Variants in ICE1 observed in about 807,000 individuals in gnomAD.
ICE1 encodes interactor of little elongation complex ELL subunit 1, also known as little elongation complex subunit 1.
In ICE1, 64 loss-of-function variants were observed where a neutral mutation model predicts 192.7. The ratio of observed to expected loss-of-function variants is 0.33; its 90% CI spans 0.27 to 0.41. The LOEUF (loss-of-function observed/expected upper bound fraction) is 0.41. ICE1 is among the 10% of genes least tolerant of loss of function. The pLI is 1.00. For synonymous variants in ICE1, 1,010 were observed against 984.5 expected (o/e 1.03, Z -0.49); for missense variants, 2,708 against 2,696.0 (o/e 1.00, Z -0.10).
In ICE1 at chr5:5,461,171, G is replaced by A. The variant is rs1402732470; in HGVS notation, c.1837G>A (p.Asp613Asn). 1.9e-6 allele frequency: 3 copies of A among 1,613,988 alleles called. No homozygotes were observed. The highest frequency in any genetic ancestry group is 2.2e-5 in the East Asian group (1 of 44,876). Residue 613 changes from aspartate to asparagine, a missense_variant, in exon 13 of 19, where the codon GAT becomes AAT. This residue lies in a region of ICE1 where 2,366 missense variants were observed against 2,276.6 expected (regional missense o/e 1.04). Coordinates refer to ENST00000296564, the MANE Select transcript of ICE1 (RefSeq NM_015325.3). ...TLGESPESEDDDSGDGMDVAG... is the reference protein window; with the variant it reads ...TLGESPESEDNDSGDGMDVAG... Reference sequence around the variant, plus strand: ...AGGAGAATCACCTGAATCAGAAGATGATGACTCAGGTGATGGAATGGATGT... The same window carrying A: ...AGGAGAATCACCTGAATCAGAAGATAATGACTCAGGTGATGGAATGGATGT...
chr5:5,462,000 C>G lies in ICE1; in HGVS notation c.2666C>G (p.Thr889Arg). ...RPHRVEPTLV[T>R]ENSGNKTGMS... Reference sequence around the variant, plus strand: ...CATAGGGTTGAGCCTACCTTAGTAACAGAAAATAGTGGCAACAAAACCGGT... The same window carrying G: ...CATAGGGTTGAGCCTACCTTAGTAAGAGAAAATAGTGGCAACAAAACCGGT... The change falls in exon 13 of 19, where the codon ACA becomes AGA. Residue 889 changes from threonine (T) to arginine (R), a missense_variant. By Grantham distance (71) the Thr-to-Arg change is moderately conservative. Transcript: ENST00000296564. 6.2e-7 allele frequency: 1 copy of G among 1,613,876 alleles called. No homozygotes were observed. Among genetic ancestry groups the G allele is most frequent in the Non-Finnish European group, 8.5e-7 (1 of 1,179,866 alleles).
At chr5:5,434,915 G>C (rs1038672075) in intron 1 of ICE1, among the ~76,000 whole-genome samples, 3 of 152,148 alleles carry the variant, frequency 2.0e-5, no homozygotes, top group Non-Finnish European at 4.4e-5. Context: ...TTTAAAAAAT[G>C]TCTATTGACT....
Position 5,489,255 on chromosome 5 carries a change from C to T in ICE1, c.6726C>T (p.Ala2242=). 1 of 1,613,826 alleles carries T rather than the reference C, an allele frequency of 6.2e-7. No individual in the cohort carries two copies. Among genetic ancestry groups the T allele is most frequent in the South Asian group, 1.1e-5 (1 of 91,036 alleles). Residue 2242 remains alanine (A), a synonymous_variant, in exon 19 of 19, where the codon GCC becomes GCT. Coordinates refer to ENST00000296564, the MANE Select transcript of ICE1 (RefSeq NM_015325.3). ...TCCTGGAAGCTTGGCGGAGAGAGGC[C>T]TCCAAAAGCGTTCCGTCTGCGATTG... is the stretch of plus-strand genomic sequence containing the variant. The part of the protein sequence containing the change: ...SKILEAWRRE[A]SKSVPSAIVS...
At chr5:5,449,756 C>A (rs1738358760) in intron 10 of ICE1, among the ~76,000 whole-genome samples, 1 of 152,174 alleles carries the variant, frequency 6.6e-6, no homozygotes, top group Admixed American at 6.5e-5. Context: ...CTGGCCTTTG[C>A]TCATAAACTG....
chr5:5,449,414 T>C (rs143086170), intron 10 of ICE1, among the ~76,000 whole-genome samples: 177 of 152,084 alleles, frequency 1.2e-3, no homozygotes, highest in African/African-American at 4.0e-3. Flanking sequence ...ATCTGAGTGC[T>C]ACTTTGCCTT....
Position 5,437,112 on chromosome 5 carries a change from A to G in ICE1, c.176A>G (p.Asp59Gly). ...TTAACAGAATATCAGAAGAAATGTGATGATATCCTTTTACTGGCTTTTTCT... is the reference window on the plus strand; with the variant it reads ...TTAACAGAATATCAGAAGAAATGTGGTGATATCCTTTTACTGGCTTTTTCT... ...NLLTEYQKKC[D>G]ELQFARRENS... Residue 59 changes from aspartate (D) to glycine (G), a missense_variant and splice_region_variant, in exon 3 of 19, where the codon GAT (aspartate) becomes GGT (glycine). Around this residue, in one of 2 missense-constraint regions of ICE1, gnomAD observed 2,366 missense variants for 2,276.6 expected, o/e 1.04. Transcript: ENST00000296564. The G allele has an allele frequency of 7.8e-6, 12 of 1,534,338 alleles. No homozygotes were observed. The highest frequency in any genetic ancestry group is 1.1e-5 in the Non-Finnish European group (12 of 1,125,478).
chr5:5,481,337 T>C (rs1034188937), intron 17 of ICE1, among the ~76,000 whole-genome samples: 3 of 152,204 alleles, frequency 2.0e-5, no homozygotes, highest in Non-Finnish European at 4.4e-5. Context: ...TTGGTTAATC[T>C]GGAGAGGAAA....
At chr5:5,436,997 C>A in intron 2 of ICE1, 83 bp from the exon 3 acceptor site, 1 of 830,996 alleles carries the variant, frequency 1.2e-6, no homozygotes, top group South Asian at 1.5e-5. Context: ...CTAGAGGGTG[C>A]CTTGCATGGA....
chr5:5,472,320 A>G (rs193288565), intron 15 of ICE1, among the ~76,000 whole-genome samples: 33 of 152,304 alleles, frequency 2.2e-4, no homozygotes, highest in Admixed American at 1.6e-3. Context: ...AACATGTCTA[A>G]TTAAAATTAT....
chr5:5,453,831 C>T (rs893516469), intron 10 of ICE1, among the ~76,000 whole-genome samples: 1 of 152,092 alleles, frequency 6.6e-6, no homozygotes, highest in Non-Finnish European at 1.5e-5. Context: ...TACAGCATCC[C>T]TTGGCCTTTC....
At chr5:5,437,354 A>G (rs982623834) in intron 3 of ICE1, 4 of 396,020 alleles carry the variant, frequency 1.0e-5, no homozygotes, top group Admixed American at 8.5e-5. Context: ...TTAACGTCTC[A>G]TAAGCTTTTT....
At chr5:5,472,006 T>C (rs1239125689) in intron 15 of ICE1, among the ~76,000 whole-genome samples, 1 of 152,188 alleles carries the variant, frequency 6.6e-6, no homozygotes, top group Non-Finnish European at 1.5e-5. Context: ...TCATGAGTCA[T>C]GATTCATTTA....
At chr5:5,472,436 A>C (rs1414419296) in intron 15 of ICE1, among the ~76,000 whole-genome samples, 2 of 152,204 alleles carry the variant, frequency 1.3e-5, no homozygotes, top group African/African-American at 4.8e-5. Flanking sequence ...CCATGTTCAC[A>C]ATTACTGCCA....
At chr5:5,443,147 G>GTT in intron 5 of ICE1, 21 bp from the exon 6 acceptor site, 6 of 1,348,878 alleles carry the variant, frequency 4.4e-6, no homozygotes, top group Non-Finnish European at 6.1e-6. Context: ...GACAATATCT[G>GTT]TTTTTTTTCT....
Position 5,462,420 on chromosome 5 carries a change from G to T in ICE1, c.3086G>T (p.Gly1029Val), listed in dbSNP as rs779434814. ...TSCGDTGRSG[G>V]EALAVANDST... Reference sequence around the variant, plus strand: ...TGTGGAGACACAGGGAGATCTGGTGGTGAGGCCCTGGCTGTTGCAAATGAT... The same window carrying T: ...TGTGGAGACACAGGGAGATCTGGTGTTGAGGCCCTGGCTGTTGCAAATGAT... The change falls in exon 13 of 19, where the codon GGT (glycine) becomes GTT (valine). Residue 1029 changes from glycine (G) to valine (V), a missense_variant. Physicochemically the swap from Gly to Val is moderately radical, Grantham distance 109. Transcript: ENST00000296564. The T allele has an allele frequency of 1.2e-6, 2 of 1,614,022 alleles. No individual in the cohort carries two copies. Among genetic ancestry groups the T allele is most frequent in the South Asian group, 2.2e-5 (2 of 91,076 alleles).
chr5:5,453,887 T>C (rs1019244315), intron 10 of ICE1, among the ~76,000 whole-genome samples: 2 of 152,210 alleles, frequency 1.3e-5, no homozygotes, highest in African/African-American at 4.8e-5. Context: ...TTACATCTCT[T>C]TGAAAATGTG....
intron 10 of ICE1, among the ~76,000 whole-genome samples, chr5:5,451,239 TTTATTAAA>T (rs1738406582): frequency 6.6e-6 from 1 of 152,156 alleles, no homozygotes; most frequent in African/African-American, 2.4e-5. Flanking sequence ...TAGGGCAATA[TTTATTAAA>T]ATCTTTAAGA....
intron 11 of ICE1, 61 bp downstream of exon 11, chr5:5,454,699 C>T: frequency 8.1e-7 from 1 of 1,241,648 alleles, no homozygotes; most frequent in South Asian, 1.3e-5. Context: ...TAACCATAGG[C>T]ATAGCAGCCG....
intron 7 of ICE1, 122 bp downstream of exon 7, chr5:5,444,448 A>G (rs1738148609): frequency 1.5e-6 from 1 of 665,792 alleles, no homozygotes; most frequent in South Asian, 2.0e-5. Flanking sequence ...ACATCCATGG[A>G]TGACTGCATC....
Sources: gnomAD v4.1 joint callset for allele counts (sites outside exome capture counted in the v4.1 genomes callset) on GRCh38, gnomAD v4.1.1 for gene constraint, gnomAD v4.1.1 regional missense constraint, MANE v1.5 for transcripts, NCBI Gene and HGNC (gene_info 2026-07-23, HGNC 2026-07-21) for gene names.